The following MGST1 variants were observed in gnomAD, a reference collection of about 807,000 sequenced individuals.
MGST1 encodes the protein glutathione S-transferase 12.
A neutral mutation model predicts 8.9 loss-of-function variants in MGST1; 5 were observed. The observed-to-expected ratio is 0.56, with a 90% confidence interval of 0.29 to 1.19. The LOEUF (loss-of-function observed/expected upper bound fraction) is 1.19. Ranked by LOEUF, MGST1 falls within the 50% of genes most tolerant of loss-of-function variation. The pLI is 0.08. For missense variants in MGST1, 182 were observed against 187.4 expected (o/e 0.97, Z 0.17); for synonymous variants, 54 against 67.8 (o/e 0.80, Z 1.00).
downstream of MGST1, among the ~76,000 whole-genome samples, chr12:16,378,464 T>A (rs1356657113): frequency 7.1e-6 from 1 of 140,944 alleles, no homozygotes; most frequent in Non-Finnish European, 1.6e-5. Flanking sequence ...TGTAGATATG[T>A]GGCATTATTT....
rs1941588942 is a variant in MGST1, at chr12:16,513,384, C to T, written n.483-76144C>T. ...CTGCGTCTGCCCACTGCCCTCCTAC[C>T]GTCCACCATGGCTCCTCTGCGCTCC... On this transcript the variant is annotated intron_variant and non_coding_transcript_variant, in intron 4 of 4. Coordinates refer to the MGST1 transcript ENST00000538857. The surrounding 1 kb of genome is among the most constrained non-coding windows in gnomAD (Gnocchi z 4.2). The T allele has an allele frequency of 8.1e-6, 3 of 369,778 alleles. No individual in the cohort carries two copies. Among genetic ancestry groups the T allele is most frequent in the Admixed American group, 3.7e-5 (1 of 26,832 alleles). 22.9% of individuals were successfully genotyped at this position (369,778 alleles called of 1,614,324 possible).
At chr12:16,445,310 C>G (rs1050068207) in intron 4 of MGST1, among the ~76,000 whole-genome samples, 12 of 151,824 alleles carry the variant, frequency 7.9e-5, no homozygotes, top group African/African-American at 2.9e-4. Context: ...TGAGATTGTA[C>G]TGGCGTATCC....
chr12:16,353,205 TTG>T (rs1262321189), intron 1 of MGST1, among the ~76,000 whole-genome samples: 1 of 152,112 alleles, frequency 6.6e-6, no homozygotes, highest in East Asian at 1.9e-4. Flanking sequence ...GGCTAATTTT[TTG>T]TATTTTTAGT....
Position 16,401,097 on chromosome 12 carries a change from C to T in MGST1, n.778+17493C>T. 4 of 1,588,184 alleles carry T rather than the reference C, an allele frequency of 2.5e-6. No homozygotes were observed. In the East Asian group the frequency reaches 6.7e-5, roughly 27 times the overall value. On this transcript the variant is annotated intron_variant and non_coding_transcript_variant, in intron 1 of 1. Transcript: ENST00000359720. This position sits in a 1 kb window ranked among gnomAD's most constrained non-coding sequence, Gnocchi z 4.3. ...AAAGGTCCTCTGCCTCATCTTTCTCCTCCTCCTCCTTTTCCTCATCTTCGT... is the reference window on the plus strand; with the variant it reads ...AAAGGTCCTCTGCCTCATCTTTCTCTTCCTCCTCCTTTTCCTCATCTTCGT...
chr12:16,359,569 C>G (rs1324467877), intron 3 of MGST1, among the ~76,000 whole-genome samples: 1 of 151,570 alleles, frequency 6.6e-6, no homozygotes, highest in African/African-American at 2.4e-5. Context: ...TTTCAAACAG[C>G]AGAACAATAT....
chr12:16,579,274 GA>G (rs1370259645), intron 4 of MGST1, among the ~76,000 whole-genome samples: 1 of 152,150 alleles, frequency 6.6e-6, no homozygotes, highest in African/African-American at 2.4e-5. Context: ...CCAAGAACAA[GA>G]ATTGTCCAAA....
At chr12:16,480,535 T>C (rs1941357490) in intron 4 of MGST1, among the ~76,000 whole-genome samples, 2 of 152,140 alleles carry the variant, frequency 1.3e-5, no homozygotes, top group African/African-American at 2.4e-5. Context: ...AGGAATTATA[T>C]ACAGAATGCA....
chr12:16,481,013 A>C (rs1477077131), intron 4 of MGST1, among the ~76,000 whole-genome samples: 9 of 152,222 alleles, frequency 5.9e-5, no homozygotes. Flanking sequence ...GCTGTGGGCA[A>C]CATACAGTCC....
intron 4 of MGST1, among the ~76,000 whole-genome samples, chr12:16,512,137 C>T (rs908164475): frequency 6.6e-6 from 1 of 151,754 alleles, no homozygotes; most frequent in Non-Finnish European, 1.5e-5. Context: ...TTTTAGATTG[C>T]TAGTTCTTTT....
In MGST1 at chr12:16,503,243, G is replaced by C. The variant is rs1941517522; in HGVS notation, n.483-86285G>C. On this transcript the variant is annotated intron_variant and non_coding_transcript_variant, in intron 4 of 4. Coordinates refer to the MGST1 transcript ENST00000538857. This position sits in a 1 kb window ranked among gnomAD's most constrained non-coding sequence, Gnocchi z 4.8. The stretch of plus-strand genomic sequence containing the variant: ...TGGGTTGGACAGGCAATGTAAATAT[G>C]GATGGTTTCAAGGGAAGGAAAATAA... 6.6e-6 allele frequency among the ~76,000 whole-genome samples: 1 copy of C among 151,442 alleles called. No individual in the cohort carries two copies. The highest frequency in any genetic ancestry group is 2.1e-4 in the South Asian group (1 of 4,744).
chr12:16,492,706 TA>T (rs1315670404), intron 4 of MGST1, among the ~76,000 whole-genome samples: 3 of 152,316 alleles, frequency 2.0e-5, no homozygotes, highest in Admixed American at 1.3e-4. Context: ...AAGATTTTTT[TA>T]AAAAGGTCAT....
At chr12:16,446,770 C>T (rs188174515) in intron 4 of MGST1, among the ~76,000 whole-genome samples, 92 of 151,994 alleles carry the variant, frequency 6.1e-4, no homozygotes, top group Admixed American at 2.7e-3. Context: ...AGAGAGCCAC[C>T]ACTGAACTTC....
Position 16,401,128 on chromosome 12 carries a change from A to G in MGST1, n.778+17524A>G. ...CTCCTTTTCCTCATCTTCGTTCCTT[A>G]GGAAAATACCCACATTCTTCACTTT... On this transcript the variant is annotated intron_variant and non_coding_transcript_variant, in intron 1 of 1. Coordinates refer to the MGST1 transcript ENST00000359720. The surrounding 1 kb of genome is among the most constrained non-coding windows in gnomAD (Gnocchi z 4.3). 1.9e-6 allele frequency: 3 copies of G among 1,574,104 alleles called. No homozygotes were observed. Among genetic ancestry groups the G allele is most frequent in the South Asian group, 2.2e-5 (2 of 90,252 alleles).
chr12:16,564,895 C>T (rs909608242), intron 4 of MGST1, among the ~76,000 whole-genome samples: 3 of 152,122 alleles, frequency 2.0e-5, no homozygotes, highest in South Asian at 2.1e-4. Flanking sequence ...AAGTGATCTT[C>T]GTGCCTCAGC....
intron 1 of MGST1, among the ~76,000 whole-genome samples, chr12:16,426,213 T>C (rs1187427145): frequency 6.6e-6 from 1 of 152,212 alleles, no homozygotes; most frequent in Admixed American, 6.5e-5. Context: ...CTCCTCACTA[T>C]AGGGTTCCAT....
chr12:16,572,134 A>G (rs1042433887), intron 4 of MGST1, among the ~76,000 whole-genome samples: 4 of 151,946 alleles, frequency 2.6e-5, no homozygotes, highest in African/African-American at 9.7e-5. Context: ...CATTAGTATT[A>G]ATTTGTTAAA....
At chr12:16,530,534 A>G (rs1285348757) in intron 4 of MGST1, among the ~76,000 whole-genome samples, 1 of 152,108 alleles carries the variant, frequency 6.6e-6, no homozygotes, top group Non-Finnish European at 1.5e-5. Flanking sequence ...GAAAAACGAG[A>G]TTGTCTGCAG....
chr12:16,504,025 G>A (rs1432562112), intron 4 of MGST1, among the ~76,000 whole-genome samples: 1 of 152,038 alleles, frequency 6.6e-6, no homozygotes, highest in Non-Finnish European at 1.5e-5. Flanking sequence ...ATTCTTTCCT[G>A]GGAGAAACCA....
At chr12:16,388,503 G>A (rs938920452) in intron 1 of MGST1, among the ~76,000 whole-genome samples, 2 of 152,120 alleles carry the variant, frequency 1.3e-5, no homozygotes, top group African/African-American at 4.8e-5. Flanking sequence ...TTACCAGTAG[G>A]ATTTGATACT....
Sources: allele counts gnomAD v4.1 joint callset (sites outside exome capture counted in the v4.1 genomes callset), GRCh38; gene constraint gnomAD v4.1.1; non-coding constraint Gnocchi (gnomAD v3.1); transcripts MANE v1.5; gene names NCBI Gene and HGNC (gene_info 2026-07-23, HGNC 2026-07-21).